The following CD58 variants were observed in gnomAD, a reference collection of about 807,000 sequenced individuals.
CD58 encodes CD58 molecule.
CD58 carries 14 observed loss-of-function variants against 27.6 expected under a neutral mutation model. That is an observed-to-expected ratio of 0.51 (90% confidence interval 0.34 to 0.79). The LOEUF is 0.79. CD58 is among the 30% of genes least tolerant of loss of function. The probability of loss-of-function intolerance (pLI) is 0.02; values close to 1 mark genes in which losing one functional copy is unlikely to be tolerated. For missense variants in CD58, 268 were observed against 301.7 expected, an observed-to-expected ratio of 0.89 and a Z score of 0.83; for synonymous variants, 117 against 103.8, an observed-to-expected ratio of 1.13 and a Z score of -0.77.
Position 116,515,200 on chromosome 1 carries a change from T to G in CD58, c.744-378A>C, listed in dbSNP as rs984821390. On this transcript the variant is annotated intron_variant, in intron 5 of 5. Coordinates refer to ENST00000369489, the MANE Select transcript of CD58 (RefSeq NM_001779.3). The surrounding 1 kb of genome is among the most constrained non-coding windows in gnomAD (Gnocchi z 4.6). ...ATGAAACTCCTGGGGATGGTTTTCT[T>G]CCTACCTCAAACTTACCTTCCTGTT... Among the ~76,000 whole-genome samples, 2 of 152,248 alleles carry G rather than the reference T, an allele frequency of 1.3e-5. No individual in the cohort carries two copies. The highest frequency in any genetic ancestry group is 4.8e-5 in the African/African-American group (2 of 41,468).
intron 1 of CD58, among the ~76,000 whole-genome samples, chr1:116,549,920 A>G (rs2101200756): frequency 6.6e-6 from 1 of 152,358 alleles, no homozygotes; most frequent in Non-Finnish European, 1.5e-5. Flanking sequence ...CTGGTTTCCC[A>G]GGGCATATAA....
At chr1:116,542,111 T>C (rs1264888751) in intron 2 of CD58, among the ~76,000 whole-genome samples, 4 of 152,164 alleles carry the variant, frequency 2.6e-5, no homozygotes, top group Non-Finnish European at 5.9e-5. Flanking sequence ...AAACCCCATC[T>C]CTACTAAAAA....
rs942924048 is a variant in CD58, at chr1:116,535,698, G to A, written c.628+267C>T. 2.2e-4 allele frequency among the ~76,000 whole-genome samples: 29 copies of A among 130,352 alleles called. 3 individuals carry two copies. Among genetic ancestry groups the A allele is most frequent in the African/African-American group, 6.0e-4 (19 of 31,688 alleles). The allele number at this position is 130,352 out of a possible 152,430, so 85.5% of individuals were successfully genotyped here. A position where few individuals can be genotyped will look rare whatever the true frequency, so the allele number is the denominator to read the frequency against. On this transcript the variant is annotated intron_variant, in intron 3 of 5. Coordinates refer to ENST00000369489, the MANE Select transcript of CD58 (RefSeq NM_001779.3). ...CTACTAAAAATACAAAAAATTAGCCGGGCGTGGTGGCGGGCGCCTGTAGTC... is the reference window on the plus strand; with the variant it reads ...CTACTAAAAATACAAAAAATTAGCCAGGCGTGGTGGCGGGCGCCTGTAGTC...
At chr1:116,547,575 C>A (rs541660722) in intron 1 of CD58, among the ~76,000 whole-genome samples, 1 of 152,062 alleles carries the variant, frequency 6.6e-6, no homozygotes, top group Non-Finnish European at 1.5e-5. Context: ...GTGATCTGCC[C>A]GCCTTGGCCT....
Position 116,524,337 on chromosome 1 carries a change from T to A in CD58, c.629-2354A>T, listed in dbSNP as rs1043119845. Among the ~76,000 whole-genome samples the A allele has an allele frequency of 1.3e-5, 2 of 152,178 alleles. No individual in the cohort carries two copies. The highest frequency in any genetic ancestry group is 4.8e-5 in the African/African-American group (2 of 41,436). ...GTCTGGGCACACCAGGTAACACTGGTCACTCAAATCTGGGTCCAAGAACCA... is the reference window on the plus strand; with the variant it reads ...GTCTGGGCACACCAGGTAACACTGGACACTCAAATCTGGGTCCAAGAACCA... On this transcript the variant is annotated intron_variant, in intron 3 of 5. Transcript: ENST00000369489. The surrounding 1 kb of genome is among the most constrained non-coding windows in gnomAD (Gnocchi z 4.6).
chr1:116,538,373 C>T lies in CD58; in HGVS notation c.365-2145G>A, dbSNP rs1335139419. ...CCACCCCATAGCAGCCCTCAGGGGA[C>T]TTCCAAGGAACATGCATCCCCAGAA... On this transcript the variant is annotated intron_variant, in intron 2 of 5. Coordinates refer to ENST00000369489, the MANE Select transcript of CD58 (RefSeq NM_001779.3). The surrounding 1 kb of genome is among the most constrained non-coding windows in gnomAD (Gnocchi z 4.7). 1.3e-5 allele frequency among the ~76,000 whole-genome samples: 2 copies of T among 152,132 alleles called. No individual in the cohort carries two copies. The highest frequency in any genetic ancestry group is 1.9e-4 in the East Asian group (1 of 5,196).
intron 2 of CD58, among the ~76,000 whole-genome samples, chr1:116,540,103 A>G (rs900686377): frequency 3.3e-5 from 5 of 152,190 alleles, no homozygotes; most frequent in Non-Finnish European, 7.3e-5. Context: ...CCATAAAAAG[A>G]TGGGAAAGGA....
intron 1 of CD58, among the ~76,000 whole-genome samples, chr1:116,562,550 G>C (rs1658790201): frequency 6.6e-6 from 1 of 152,156 alleles, no homozygotes; most frequent in Non-Finnish European, 1.5e-5. Flanking sequence ...ACATACATGA[G>C]ACTGGGTAAT....
At position 116,523,251 on chromosome 1, in the gene CD58, T is replaced by C. The variant is rs1657324327; in HGVS notation, c.629-1268A>G. 6.6e-6 allele frequency among the ~76,000 whole-genome samples: 1 copy of C among 152,190 alleles called. No individual in the cohort carries two copies. The highest frequency in any genetic ancestry group is 1.5e-5 in the Non-Finnish European group (1 of 68,022). ...GCAGCTCCTTGTTTTCACAAAAAAC[T>C]GTGGTATGTTCACAAGGTAAACTCT... On this transcript the variant is annotated intron_variant, in intron 3 of 5. Coordinates refer to ENST00000369489, the MANE Select transcript of CD58 (RefSeq NM_001779.3). The surrounding 1 kb of genome is among the most constrained non-coding windows in gnomAD (Gnocchi z 4.4).
rs145192460 is a variant in CD58 at position 116,528,956 on chromosome 1, G to A, written c.629-6973C>T. 1.3e-5 allele frequency among the ~76,000 whole-genome samples: 2 copies of A among 152,244 alleles called. No individual in the cohort carries two copies. Among genetic ancestry groups the A allele is most frequent in the East Asian group, 3.9e-4 (2 of 5,178 alleles). On this transcript the variant is annotated intron_variant, in intron 3 of 5. Transcript: ENST00000369489. The surrounding 1 kb of genome is among the most constrained non-coding windows in gnomAD (Gnocchi z 4.4). ...GGCTGTATATAATGTTATACCAAAT[G>A]TCCTCTCTTGAAACTCTTCCTGTAT...
chr1:116,551,310 T>C (rs1167667207), intron 1 of CD58, among the ~76,000 whole-genome samples: 1 of 152,246 alleles, frequency 6.6e-6, no homozygotes, highest in Non-Finnish European at 1.5e-5. Context: ...CCTGCACCAG[T>C]AATCTTAGAT....
intron 2 of CD58, among the ~76,000 whole-genome samples, chr1:116,544,024 C>A (rs548183667): frequency 1.3e-5 from 2 of 152,164 alleles, no homozygotes; most frequent in Non-Finnish European, 2.9e-5. Context: ...ATCAGTGGAG[C>A]CCAAAGAGTT....
In CD58 at chr1:116,528,667, A is replaced by G. The variant is rs1407031654; in HGVS notation, c.629-6684T>C. Among the ~76,000 whole-genome samples, 1 of 152,124 alleles carries G rather than the reference A, an allele frequency of 6.6e-6. No homozygotes were observed. Among genetic ancestry groups the G allele is most frequent in the Non-Finnish European group, 1.5e-5 (1 of 68,024 alleles). On this transcript the variant is annotated intron_variant, in intron 3 of 5. Transcript: ENST00000369489. The surrounding 1 kb of genome is among the most constrained non-coding windows in gnomAD (Gnocchi z 4.4). ...ATGTGGAGGGTGTTACAATCATCCT[A>G]CTTCTTCCCAGCAGTTATCTAAAAG...
At position 116,559,743 on chromosome 1, in the gene CD58, A is replaced by T. The variant is rs1382554954; in HGVS notation, c.70+11160T>A. Among the ~76,000 whole-genome samples the T allele has an allele frequency of 6.6e-6, 1 of 152,174 alleles. No homozygotes were observed. Among genetic ancestry groups the T allele is most frequent in the African/African-American group, 2.4e-5 (1 of 41,438 alleles). ...CAAGAATTAAGATGTTGGTTCTCTA[A>T]ATCAACTTCTTTCTGTACTTTCCTT... On this transcript the variant is annotated intron_variant, in intron 1 of 5. Transcript: ENST00000369489. The surrounding 1 kb of genome is among the most constrained non-coding windows in gnomAD (Gnocchi z 4.4).
At chr1:116,567,571 G>A (rs1346049794) in intron 1 of CD58, among the ~76,000 whole-genome samples, 1 of 152,140 alleles carries the variant, frequency 6.6e-6, no homozygotes, top group Non-Finnish European at 1.5e-5. Flanking sequence ...CTCAGAGGTC[G>A]AGGCTGGAGT....
chr1:116,543,358 T>C (rs1658054246), intron 2 of CD58, among the ~76,000 whole-genome samples: 1 of 150,878 alleles, frequency 6.6e-6, no homozygotes, highest in Non-Finnish European at 1.5e-5. Context: ...GTTACATCCA[T>C]GGGTAGTGGG....
intron 1 of CD58, among the ~76,000 whole-genome samples, chr1:116,561,502 T>C (rs1369145150): frequency 6.6e-6 from 1 of 152,242 alleles, no homozygotes; most frequent in Non-Finnish European, 1.5e-5. Flanking sequence ...TAAATTGCCA[T>C]TGTAAATTCT....
In CD58 at chr1:116,557,837, C is replaced by A. The variant is rs1658612801; in HGVS notation, c.70+13066G>T. Reference sequence around the variant, plus strand: ...TACAGTTGCATGCCACCACGCCCAGCTAATTTTTATATTTTTTGTAGAAAC... The same window carrying A: ...TACAGTTGCATGCCACCACGCCCAGATAATTTTTATATTTTTTGTAGAAAC... On this transcript the variant is annotated intron_variant, in intron 1 of 5. Transcript: ENST00000369489. The surrounding 1 kb of genome is among the most constrained non-coding windows in gnomAD (Gnocchi z 5.2). Among the ~76,000 whole-genome samples the A allele has an allele frequency of 6.6e-6, 1 of 151,986 alleles. No individual in the cohort carries two copies. Among genetic ancestry groups the A allele is most frequent in the African/African-American group, 2.4e-5 (1 of 41,376 alleles).
At chr1:116,529,297 C>G (rs1031221868) in intron 3 of CD58, among the ~76,000 whole-genome samples, 1 of 152,214 alleles carries the variant, frequency 6.6e-6, no homozygotes, top group African/African-American at 2.4e-5. Context: ...GGCATAAAAC[C>G]TCCATGCTAT....
Sources: gnomAD v4.1 joint callset for allele counts (sites outside exome capture counted in the v4.1 genomes callset) on GRCh38, gnomAD v4.1.1 for gene constraint, Gnocchi (gnomAD v3.1) non-coding constraint, MANE v1.5 for transcripts, NCBI Gene and HGNC (gene_info 2026-07-23, HGNC 2026-07-21) for gene names.